Variants in ARHGAP32 observed in about 807,000 individuals in gnomAD.
The protein encoded by ARHGAP32 is rho GTPase-activating protein 32.
ARHGAP32 carries 51 observed loss-of-function variants against 186.5 expected under a neutral mutation model. The ratio of observed to expected loss-of-function variants is 0.27; its 90% confidence interval spans 0.22 to 0.35. ARHGAP32 has a LOEUF of 0.35. Ranked by LOEUF, ARHGAP32 falls within the 10% of genes least tolerant of loss-of-function variation. The probability of loss-of-function intolerance (pLI) is 1.00; values close to 1 mark genes in which losing one functional copy is unlikely to be tolerated. For missense variants in ARHGAP32, 2,186 were observed against 2,623.5 expected (o/e 0.83, Z 3.64); for synonymous variants, 950 against 964.3 (o/e 0.99, Z 0.27).
chr11:129,249,257 T>TA (rs1591718602), intron 1 of ARHGAP32, among the ~76,000 whole-genome samples: 1 of 151,788 alleles, frequency 6.6e-6, no homozygotes, highest in African/African-American at 2.4e-5. Context: ...TGGGTTTCAC[T>TA]AAAAAAACAG....
At chr11:129,219,985 T>G (rs1944691748) in intron 1 of ARHGAP32, among the ~76,000 whole-genome samples, 1 of 152,096 alleles carries the variant, frequency 6.6e-6, no homozygotes, top group African/African-American at 2.4e-5. Context: ...TCAAACACAT[T>G]TCTCTACCCT....
intron 1 of ARHGAP32, among the ~76,000 whole-genome samples, chr11:129,186,252 T>C (rs1944159070): frequency 6.6e-6 from 1 of 152,198 alleles, no homozygotes; most frequent in Admixed American, 6.5e-5. Context: ...CTCTAGGGCC[T>C]TTCTTGAACA....
intron 14 of ARHGAP32, among the ~76,000 whole-genome samples, 187 bp from the exon 15 acceptor site, chr11:128,986,272 C>A (rs1191785171): frequency 6.6e-6 from 1 of 152,096 alleles, no homozygotes; most frequent in Non-Finnish European, 1.5e-5. Context: ...ATCTACGAAA[C>A]TAATTTTAAA....
intron 1 of ARHGAP32, among the ~76,000 whole-genome samples, chr11:129,187,815 ATAAG>A (rs1169738061): frequency 2.6e-5 from 4 of 152,202 alleles, no homozygotes; most frequent in Admixed American, 2.0e-4. Flanking sequence ...TTTTGACATC[ATAAG>A]TAATAGGTTA....
chr11:129,029,801 C>CAAA (rs34762356), intron 11 of ARHGAP32, among the ~76,000 whole-genome samples: 29,489 of 46,894 alleles, frequency 0.63, 12,346 homozygotes, highest in Non-Finnish European at 0.7. Context: ...GACTCCGTCT[C>CAAA]AAAAAAAAAA....
chr11:128,975,987 A>C (rs1404749110), intron 20 of ARHGAP32, among the ~76,000 whole-genome samples: 11 of 152,126 alleles, frequency 7.2e-5, no homozygotes, highest in Non-Finnish European at 1.6e-4. Context: ...CTGAGGCAAG[A>C]TAATCACTTA....
At chr11:128,997,910 A>G (rs992115200) in intron 12 of ARHGAP32, among the ~76,000 whole-genome samples, 1 of 152,030 alleles carries the variant, frequency 6.6e-6, no homozygotes, top group African/African-American at 2.4e-5. Flanking sequence ...AACAAAAAAA[A>G]TTGGAAGATT....
chr11:129,278,326 C>A (rs964393475), intron 1 of ARHGAP32, among the ~76,000 whole-genome samples: 2 of 152,208 alleles, frequency 1.3e-5, no homozygotes, highest in Admixed American at 6.5e-5. Flanking sequence ...TATCCAAATT[C>A]TATTTCCTAA....
chr11:129,202,753 C>T (rs547186811), intron 1 of ARHGAP32, among the ~76,000 whole-genome samples: 1 of 152,102 alleles, frequency 6.6e-6, no homozygotes, highest in Non-Finnish European at 1.5e-5. Flanking sequence ...AAGGATTGCA[C>T]CAACCCAATA....
chr11:129,006,132 CTG>C (rs1937757028), intron 11 of ARHGAP32, among the ~76,000 whole-genome samples: 1 of 152,144 alleles, frequency 6.6e-6, no homozygotes, highest in Admixed American at 6.5e-5. Context: ...ACTTCCTTTT[CTG>C]TGTTACCTTG....
chr11:129,181,121 T>C (rs1465008762), intron 1 of ARHGAP32, among the ~76,000 whole-genome samples: 3 of 152,104 alleles, frequency 2.0e-5, no homozygotes, highest in African/African-American at 4.8e-5. Flanking sequence ...CCAAGCAGGA[T>C]ATCTTTCTCT....
intron 10 of ARHGAP32, among the ~76,000 whole-genome samples, chr11:129,047,919 G>A (rs1269843292): frequency 6.6e-6 from 1 of 152,150 alleles, no homozygotes; most frequent in Non-Finnish European, 1.5e-5. Context: ...AAACAAAGAA[G>A]AGAAGAGACA....
At chr11:129,112,984 A>G (rs1441258921) in intron 5 of ARHGAP32, among the ~76,000 whole-genome samples, 1 of 152,196 alleles carries the variant, frequency 6.6e-6, no homozygotes, top group Non-Finnish European at 1.5e-5. Context: ...TTAAAAAATA[A>G]TAGTCCTTAC....
intron 5 of ARHGAP32, among the ~76,000 whole-genome samples, chr11:129,098,872 ATAAATT>A (rs1220290224): frequency 2.0e-5 from 3 of 152,222 alleles, no homozygotes; most frequent in African/African-American, 7.2e-5. Context: ...TTCTATGTTA[ATAAATT>A]TAAACTGGCA....
chr11:129,080,217 A>G (rs543845581), intron 6 of ARHGAP32, among the ~76,000 whole-genome samples: 3 of 152,306 alleles, frequency 2.0e-5, no homozygotes, highest in Admixed American at 2.0e-4. Flanking sequence ...CAACAAAGCT[A>G]TAATGGACTT....
chr11:129,105,503 A>C (rs1942024315), intron 5 of ARHGAP32, among the ~76,000 whole-genome samples: 1 of 152,208 alleles, frequency 6.6e-6, no homozygotes, highest in South Asian at 2.1e-4. Flanking sequence ...CACTCCTGGC[A>C]TTCAAAAAAA....
chr11:129,218,836 C>T (rs976659692), intron 1 of ARHGAP32, among the ~76,000 whole-genome samples: 2 of 152,100 alleles, frequency 1.3e-5, no homozygotes, highest in African/African-American at 2.4e-5. Flanking sequence ...GTTAGATTCT[C>T]CAGGAAGCAG....
chr11:129,278,947 A>G (rs1945571925), intron 1 of ARHGAP32, among the ~76,000 whole-genome samples: 1 of 141,924 alleles, frequency 7.0e-6, no homozygotes, highest in African/African-American at 2.5e-5. Context: ...GTGGGCCCGC[A>G]GCGCCGTCCG....
intron 5 of ARHGAP32, among the ~76,000 whole-genome samples, chr11:129,108,656 G>T (rs958966350): frequency 3.9e-5 from 6 of 152,064 alleles, no homozygotes; most frequent in African/African-American, 7.2e-5. Flanking sequence ...TTGTGAAGTG[G>T]GTTGTTGATA....
Sources: gnomAD v4.1 joint callset for allele counts (sites outside exome capture counted in the v4.1 genomes callset) on GRCh38, gnomAD v4.1.1 for gene constraint, MANE v1.5 for transcripts, NCBI Gene and HGNC (gene_info 2026-07-23, HGNC 2026-07-21) for gene names.